The following WDR37 variants were observed in gnomAD, a reference collection of about 807,000 sequenced individuals.
WDR37 encodes WD repeat domain 37, also known as WD repeat-containing protein 37.
In WDR37, 19 loss-of-function variants were observed where a neutral mutation model predicts 62.9. That is an observed-to-expected ratio of 0.30 (90% CI 0.21 to 0.44). WDR37 has a LOEUF of 0.44. Ranked by LOEUF, WDR37 falls within the 20% of genes least tolerant of loss-of-function variation. The pLI, the probability that WDR37 is intolerant of heterozygous loss-of-function variation, is 1.00. For synonymous variants in WDR37, 250 were observed against 260.9 expected, an observed-to-expected ratio of 0.96 and a Z score of 0.40; for missense variants, 474 against 657.6, an observed-to-expected ratio of 0.72 and a Z score of 3.05.
intron 9 of WDR37, among the ~76,000 whole-genome samples, chr10:1,099,142 G>A (rs1175757804): frequency 1.3e-5 from 2 of 152,192 alleles, no homozygotes; most frequent in African/African-American, 4.8e-5. Flanking sequence ...TTCACTTACT[G>A]TTTGCCTTGT....
intron 2 of WDR37, among the ~76,000 whole-genome samples, chr10:1,075,498 T>C (rs1055105993): frequency 2.7e-5 from 4 of 147,318 alleles, no homozygotes; most frequent in Non-Finnish European, 6.0e-5. Context: ...TGTTAGCAAC[T>C]ACTTTTATAT....
At chr10:1,064,838 C>T (rs893261463) in intron 1 of WDR37, among the ~76,000 whole-genome samples, 4 of 151,918 alleles carry the variant, frequency 2.6e-5, no homozygotes, top group Non-Finnish European at 5.9e-5. Flanking sequence ...GTGATCTGCC[C>T]GCCTCGGCCT....
intron 11 of WDR37, among the ~76,000 whole-genome samples, chr10:1,114,631 C>T (rs1835329289): frequency 6.6e-6 from 1 of 152,252 alleles, no homozygotes; most frequent in South Asian, 2.1e-4. Flanking sequence ...TTACTGCGAT[C>T]TTCACCTCAC....
intron 7 of WDR37, among the ~76,000 whole-genome samples, chr10:1,087,240 CT>C (rs1834233611): frequency 6.6e-6 from 1 of 152,216 alleles, no homozygotes; most frequent in Non-Finnish European, 1.5e-5. Context: ...GTGCTGCCTT[CT>C]TACCTGTCTT....
At chr10:1,111,571 T>C (rs1014181817) in intron 11 of WDR37, among the ~76,000 whole-genome samples, 1 of 152,228 alleles carries the variant, frequency 6.6e-6, no homozygotes, top group South Asian at 2.1e-4. Context: ...TGTGAGCTGC[T>C]GAAGGCTTTG....
rs573167245 is a variant in WDR37, at chr10:1,129,688, C to T, written c.*344C>T. ...GAATTAAATGTGAACTTCTGTATTA[C>T]GTTGCGGCGTCGGCAGTCCTGCGTT... On this transcript the variant is annotated 3_prime_UTR_variant, in exon 14 of 14. Coordinates refer to ENST00000263150, the MANE Select transcript of WDR37 (RefSeq NM_014023.4). 9 of 183,282 alleles carry T rather than the reference C, an allele frequency of 4.9e-5. No individual in the cohort carries two copies. Among genetic ancestry groups the T allele is most frequent in the South Asian group, 3.4e-4 (3 of 8,862 alleles). 11.4% of individuals were successfully genotyped at this position (183,282 alleles called of 1,614,324 possible).
At chr10:1,120,130 G>A (rs887879254) in intron 11 of WDR37, among the ~76,000 whole-genome samples, 10 of 152,316 alleles carry the variant, frequency 6.6e-5, no homozygotes, top group Admixed American at 2.0e-4. Flanking sequence ...CTCTGAGTTC[G>A]TCAAATGAAT....
In WDR37 at chr10:1,115,734, A is replaced by G. The variant is rs180738060; in HGVS notation, c.1104-8484A>G. Reference sequence around the variant, plus strand: ...TGGTCTCTAAATCAGTTTGCTTTCCACTTTCAGATCTGCTTTCTTTTTGGT... The same window carrying G: ...TGGTCTCTAAATCAGTTTGCTTTCCGCTTTCAGATCTGCTTTCTTTTTGGT... On this transcript the variant is annotated intron_variant, in intron 11 of 13. Transcript: ENST00000263150. Among the ~76,000 whole-genome samples, 13 of 152,156 alleles carry G rather than the reference A, an allele frequency of 8.5e-5. 1 individual carries two copies. In the East Asian group the frequency reaches 2.5e-3, roughly 30 times the overall value.
Position 1,121,839 on chromosome 10 carries a change from G to A in WDR37, c.1104-2379G>A, listed in dbSNP as rs1589124107. ...CGACCAGGCCTTTGAGAATGCAGAC[G>A]TGAAAACGGTCGCCGCCGCATCATC... On this transcript the variant is annotated intron_variant, in intron 11 of 13. Coordinates refer to ENST00000263150, the MANE Select transcript of WDR37 (RefSeq NM_014023.4). This position sits in a 1 kb window ranked among gnomAD's most constrained non-coding sequence, Gnocchi z 4.5. Among the ~76,000 whole-genome samples the A allele has an allele frequency of 6.6e-6, 1 of 152,088 alleles. No homozygotes were observed. The highest frequency in any genetic ancestry group is 1.9e-4 in the East Asian group (1 of 5,190).
At chr10:1,092,872 C>CAAAAA (rs56220560) in intron 7 of WDR37, among the ~76,000 whole-genome samples, 76 of 41,964 alleles carry the variant, frequency 1.8e-3, no homozygotes, top group African/African-American at 2.3e-3. Flanking sequence ...CCCTATCTCA[C>CAAAAA]AAAAAAAAAA....
At position 1,129,856 on chromosome 10, in the gene WDR37, C is replaced by T. The variant is rs1199953514; in HGVS notation, c.*512C>T. ...CGTGCTGTCGTGTAGTCAGCTTCTA[C>T]TCTAATTTCTGTTACAGTTCTGCAA... On this transcript the variant is annotated 3_prime_UTR_variant, in exon 14 of 14. Coordinates refer to ENST00000263150, the MANE Select transcript of WDR37 (RefSeq NM_014023.4). The T allele has an allele frequency of 1.3e-5, 2 of 152,314 alleles. No homozygotes were observed. The highest frequency in any genetic ancestry group is 4.8e-5 in the African/African-American group (2 of 41,406). 9.4% of individuals were successfully genotyped at this position (152,314 alleles called of 1,614,324 possible).
At chr10:1,115,908 A>G (rs1328312691) in intron 11 of WDR37, among the ~76,000 whole-genome samples, 3 of 152,118 alleles carry the variant, frequency 2.0e-5, no homozygotes, top group African/African-American at 7.2e-5. Flanking sequence ...GGGGCCTTGG[A>G]AGCACACCTG....
At chr10:1,109,803 C>T (rs1018335150) in intron 11 of WDR37, among the ~76,000 whole-genome samples, 3 of 152,178 alleles carry the variant, frequency 2.0e-5, no homozygotes, top group Non-Finnish European at 2.9e-5. Flanking sequence ...GAGAGCTGTA[C>T]TTATGAAGAA....
At chr10:1,094,750 G>C (rs1834512455) in intron 8 of WDR37, among the ~76,000 whole-genome samples, 1 of 152,066 alleles carries the variant, frequency 6.6e-6, no homozygotes, top group African/African-American at 2.4e-5. Flanking sequence ...ACATAGAGAG[G>C]GGAGAGTTAG....
intron 1 of WDR37, among the ~76,000 whole-genome samples, chr10:1,068,105 G>C (rs770329924): frequency 3.3e-5 from 5 of 152,084 alleles, no homozygotes; most frequent in Non-Finnish European, 5.9e-5. Context: ...GATGAGAAGA[G>C]AGTTAAAAGG....
intron 5 of WDR37, among the ~76,000 whole-genome samples, chr10:1,080,688 T>C (rs1833999822): frequency 6.6e-6 from 1 of 152,142 alleles, no homozygotes; most frequent in Admixed American, 6.5e-5. Context: ...GATGGATCAC[T>C]TGAGGTCAGG....
rs1293450702 is a variant in WDR37, at chr10:1,111,394, C to G, written c.1103+6127C>G. Among the ~76,000 whole-genome samples, 8 of 152,132 alleles carry G rather than the reference C, an allele frequency of 5.3e-5. No homozygotes were observed. In the South Asian group the frequency reaches 8.3e-4, roughly 16 times the overall value. On this transcript the variant is annotated intron_variant, in intron 11 of 13. Transcript: ENST00000263150. ...TCCAGGAGAGATTTTTCCCCACTTT[C>G]TTTTTTTTCTTACTGTAATCCCCAT...
At position 1,084,431 on chromosome 10, in the gene WDR37, C is replaced by G. The variant is rs773619711; in HGVS notation, c.425C>G (p.Ser142Trp). 19 of 1,614,150 alleles carry G rather than the reference C, an allele frequency of 1.2e-5. 1 individual carries two copies. The South Asian group carries it at 2.0e-4, about 17-fold the overall frequency. ...GTCTCCAGCTTTAAGACCACGACAT[C>G]GAGAGCTGCCTGCCAGCTCGTGAAG... ...KIVSSFKTTT[S>W]RAACQLVKEY... is the part of the protein sequence containing the mutation. Residue 142 changes from serine to tryptophan, a missense_variant, in exon 6 of 14, where the codon TCG becomes TGG. Physicochemically the swap from Ser to Trp is radical, Grantham distance 177. Coordinates refer to ENST00000263150, the MANE Select transcript of WDR37 (RefSeq NM_014023.4).
rs567652989 is a variant in WDR37, at chr10:1,075,578, A to G, written c.139-2329A>G. ...GTTGCTGAACAATAAGAGCCTTAAA[A>G]CATGATGGGTATAGATGAGTAGGAA... On this transcript the variant is annotated intron_variant, in intron 2 of 13. Transcript: ENST00000263150. Among the ~76,000 whole-genome samples, 4 of 152,256 alleles carry G rather than the reference A, an allele frequency of 2.6e-5. No individual in the cohort carries two copies. In the East Asian group the frequency reaches 7.7e-4, roughly 29 times the overall value.
Sources: gnomAD v4.1 joint callset for allele counts (sites outside exome capture counted in the v4.1 genomes callset) on GRCh38, gnomAD v4.1.1 for gene constraint, Gnocchi (gnomAD v3.1) non-coding constraint, MANE v1.5 for transcripts, NCBI Gene and HGNC (gene_info 2026-07-23, HGNC 2026-07-21) for gene names.